Variants in ZNF454 observed in about 807,000 individuals in gnomAD.
ZNF454 encodes zinc finger protein 454.
In ZNF454, 30 loss-of-function variants were observed where a neutral mutation model predicts 48.2. The observed-to-expected ratio is 0.62, with a 90% CI of 0.47 to 0.84. The LOEUF is 0.84. Ranked by LOEUF, ZNF454 falls within the 40% of genes least tolerant of loss-of-function variation. ZNF454 has a pLI of 0.00. For missense variants in ZNF454, 510 were observed against 623.1 expected (o/e 0.82, Z 1.93); for synonymous variants, 204 against 211.4 (o/e 0.97, Z 0.30).
intron 4 of ZNF454, among the ~76,000 whole-genome samples, chr5:178,954,783 C>G (rs1759685292): frequency 6.6e-6 from 1 of 152,246 alleles, no homozygotes. Context: ...GTACCCCTCT[C>G]CAGGATTTCA....
chr5:178,950,553 A>G (rs1008834560), intron 4 of ZNF454, among the ~76,000 whole-genome samples: 1 of 152,126 alleles, frequency 6.6e-6, no homozygotes, highest in Non-Finnish European at 1.5e-5. Context: ...TAAATTGTCC[A>G]CTCACCAAAC....
chr5:178,969,453 T>G (rs1337139752), downstream of ZNF454: 2 of 456,796 alleles, frequency 4.4e-6, no homozygotes, highest in Non-Finnish European at 8.8e-6. Flanking sequence ...TTCCATACCT[T>G]GCTCTTGTAG....
At chr5:178,985,811 G>A in the ZNF454 span, 2 of 528,660 alleles carry the variant, frequency 3.8e-6, no homozygotes, top group African/African-American at 1.9e-5. Context: ...ACCCAAGCTG[G>A]ATTGTAGTGG....
At chr5:178,947,445 A>G in intron 4 of ZNF454, among the ~76,000 whole-genome samples, 1 of 151,964 alleles carries the variant, frequency 6.6e-6, no homozygotes. Flanking sequence ...CTACCTCCAT[A>G]TGTGTTTGTC....
At chr5:178,969,246 C>T, downstream of ZNF454, 1 of 359,492 alleles carries the variant, frequency 2.8e-6, no homozygotes, top group Non-Finnish European at 5.5e-6. Context: ...CCTGGGCATT[C>T]TCACCTGCCC....
At chr5:178,948,362 C>G (rs968016184) in intron 4 of ZNF454, among the ~76,000 whole-genome samples, 5 of 152,186 alleles carry the variant, frequency 3.3e-5, no homozygotes, top group Non-Finnish European at 7.3e-5. Flanking sequence ...TACAAATAGT[C>G]TTATAACAAA....
intron 4 of ZNF454, among the ~76,000 whole-genome samples, chr5:178,961,713 G>A (rs970517632): frequency 4.0e-5 from 6 of 151,026 alleles, no homozygotes; most frequent in African/African-American, 4.8e-5. Context: ...CCAGCTACTC[G>A]GGAGGCTGAG....
Position 178,941,455 on chromosome 5 carries a change from G to C in ZNF454, c.-108+11G>C, listed in dbSNP as rs1018449889. On this transcript the variant is annotated intron_variant, in intron 1 of 4. Coordinates refer to ENST00000519564, the MANE Select transcript of ZNF454 (RefSeq NM_001178089.3). This position sits in a 1 kb window ranked among gnomAD's most constrained non-coding sequence, Gnocchi z 5.5. ...CAAACTTCCCGGAATGTATGTCTGA[G>C]ATTTGATCCCAGAGAGGGAGGACGG... The C allele has an allele frequency of 2.2e-6, 1 of 445,894 alleles. No individual in the cohort carries two copies. Among genetic ancestry groups the C allele is most frequent in the Non-Finnish European group, 4.5e-6 (1 of 221,446 alleles). 27.6% of individuals were successfully genotyped at this position (445,894 alleles called of 1,614,324 possible).
chr5:178,985,270 T>C, the ZNF454 span: 4 of 456,742 alleles, frequency 8.8e-6, no homozygotes, highest in South Asian at 4.6e-5. Context: ...ACTTCACTGT[T>C]GTACAGAAAG....
intron 4 of ZNF454, among the ~76,000 whole-genome samples, chr5:178,958,680 T>C (rs931105274): frequency 2.0e-5 from 3 of 152,240 alleles, no homozygotes; most frequent in Non-Finnish European, 4.4e-5. Flanking sequence ...GTTATACTAA[T>C]TTATACTCCT....
chr5:178,988,560 TC>T, the ZNF454 span, among the ~76,000 whole-genome samples: 58 of 152,248 alleles, frequency 3.8e-4, no homozygotes, highest in African/African-American at 1.3e-3. This position sits in a 1 kb window ranked among gnomAD's most constrained non-coding sequence, Gnocchi z 6.0. Flanking sequence ...GGGCGGCATG[TC>T]CCTGGGTAGG....
the ZNF454 span, chr5:178,983,066 C>T: frequency 3.1e-5 from 50 of 1,614,074 alleles, no homozygotes; most frequent in African/African-American, 6.4e-4. Flanking sequence ...TGACCATGAG[C>T]AGGAGGCTGT....
chr5:178,962,902 G>A (rs1301110693), intron 4 of ZNF454, among the ~76,000 whole-genome samples: 1 of 151,740 alleles, frequency 6.6e-6, no homozygotes, highest in Non-Finnish European at 1.5e-5. Flanking sequence ...CACAATATTT[G>A]TAAAGCTATG....
intron 4 of ZNF454, among the ~76,000 whole-genome samples, chr5:178,952,112 A>G (rs918344922): frequency 1.4e-5 from 2 of 146,550 alleles, no homozygotes; most frequent in Non-Finnish European, 3.0e-5. Flanking sequence ...ATCTCGGCTC[A>G]CTGCAAGCTC....
the ZNF454 span, among the ~76,000 whole-genome samples, chr5:178,985,016 T>A: frequency 0.1 from 15,393 of 152,068 alleles, 952 homozygotes; most frequent in Middle Eastern, 0.21. Flanking sequence ...ATAACTTTAC[T>A]GTCTTAGGAA....
chr5:178,976,581 G>A, the ZNF454 span, among the ~76,000 whole-genome samples: 1 of 152,148 alleles, frequency 6.6e-6, no homozygotes, highest in South Asian at 2.1e-4. Flanking sequence ...GAGGATCAAT[G>A]GTAGGCTAAT....
In ZNF454 at chr5:178,965,082, C is replaced by T; in HGVS notation, c.678C>T (p.His226=). The part of the protein sequence containing the change: ...YECRECGKAF[H]QSTHLIHHQR... ...GTAGAGAATGTGGGAAAGCCTTTCA[C>T]CAGAGTACGCACCTTATCCATCACC... The change falls in exon 5 of 5, where the codon CAC becomes CAT. Residue 226 remains histidine (H), a synonymous_variant. Transcript: ENST00000519564. This position sits in a 1 kb window ranked among gnomAD's most constrained non-coding sequence, Gnocchi z 5.2. 1 of 1,614,044 alleles carries T rather than the reference C, an allele frequency of 6.2e-7. No individual in the cohort carries two copies. The highest frequency in any genetic ancestry group is 8.5e-7 in the Non-Finnish European group (1 of 1,179,998).
the ZNF454 span, chr5:178,983,037 A>G: frequency 1.2e-6 from 2 of 1,613,890 alleles, no homozygotes; most frequent in East Asian, 2.2e-5. Context: ...ACGGGCCTTG[A>G]TGGCGTACAC....
chr5:178,960,472 G>A (rs1466485876), intron 4 of ZNF454, among the ~76,000 whole-genome samples: 1 of 150,368 alleles, frequency 6.7e-6, no homozygotes, highest in African/African-American at 2.4e-5. Flanking sequence ...CAGGCTGGTC[G>A]CAAACTCCGG....
Sources: gnomAD v4.1 joint callset for allele counts (sites outside exome capture counted in the v4.1 genomes callset) on GRCh38, gnomAD v4.1.1 for gene constraint, Gnocchi (gnomAD v3.1) non-coding constraint, MANE v1.5 for transcripts, NCBI Gene and HGNC (gene_info 2026-07-23, HGNC 2026-07-21) for gene names.